The following INTS13 variants were observed in gnomAD, a reference collection of about 807,000 sequenced individuals.
The protein encoded by INTS13 is asunder, spermatogenesis regulator homolog (Drosphila).
In INTS13, 35 loss-of-function variants were observed where a neutral mutation model predicts 90.2. The observed-to-expected ratio is 0.39, with a 90% CI of 0.30 to 0.51. The LOEUF (loss-of-function observed/expected upper bound fraction) is 0.51. INTS13 is among the 20% of genes least tolerant of loss of function. The pLI, the probability that INTS13 is intolerant of heterozygous loss-of-function variation, is 0.80. For synonymous variants in INTS13, 309 were observed against 277.1 expected (o/e 1.11, Z -1.14); for missense variants, 601 against 851.2 (o/e 0.71, Z 3.66).
At chr12:26,926,607 G>A (rs917923795) in intron 5 of INTS13, among the ~76,000 whole-genome samples, 2 of 151,998 alleles carry the variant, frequency 1.3e-5, no homozygotes, top group African/African-American at 4.8e-5. Flanking sequence ...TACTAGCTGT[G>A]ACACAATCAC....
chr12:26,928,365 A>G lies in INTS13; in HGVS notation c.504-80T>C, dbSNP rs34908423. On this transcript the variant is annotated intron_variant, in intron 4 of 16. Transcript: ENST00000261191. ...ATTCAAAACACTCTTCCGCTTTAAT[A>G]TGGTGTTATAGACATTTAAAGTTAC... The G allele has an allele frequency of 6.4e-3, 7,133 of 1,116,526 alleles. 31 individuals are homozygous for G. Among genetic ancestry groups the G allele is most frequent in the Non-Finnish European group, 8.1e-3 (5,963 of 738,976 alleles). The allele number at this position is 1,116,526 out of a possible 1,614,324, so 69.2% of individuals were successfully genotyped here.
chr12:26,914,167 T>G, intron 12 of INTS13, 39 bp from the exon 13 acceptor site: 2 of 1,512,966 alleles, frequency 1.3e-6, no homozygotes, highest in Non-Finnish European at 1.8e-6. Flanking sequence ...AAATCTGTCT[T>G]GAAAAATAAA....
In INTS13 at chr12:26,928,883, A is replaced by G. The variant is rs1938033960; in HGVS notation, c.323T>C (p.Val108Ala). The G allele has an allele frequency of 6.2e-7, 1 of 1,614,044 alleles. No individual in the cohort carries two copies. The highest frequency in any genetic ancestry group is 1.7e-5 in the Admixed American group (1 of 60,006). Reference protein sequence around the residue: ...LQELMAALAAVGPPNPRADPE... With the variant: ...LQELMAALAAAGPPNPRADPE... ...ATCTGCCCGAGGATTAGGAGGCCCA[A>G]CAGCGGCTAATGCTGCCATTAGCTA... The change falls in exon 4 of 17, where the codon GTT becomes GCT. Residue 108 changes from valine to alanine, a missense_variant. This residue lies in a region of INTS13 where 284 missense variants were observed against 387.7 expected (regional missense o/e 0.73). Coordinates refer to ENST00000261191, the MANE Select transcript of INTS13 (RefSeq NM_018164.3).
chr12:26,923,907 A>C (rs1937721472), intron 7 of INTS13, among the ~76,000 whole-genome samples: 1 of 152,222 alleles, frequency 6.6e-6, no homozygotes, highest in Non-Finnish European at 1.5e-5. Flanking sequence ...ACAGAATAAT[A>C]ATTTAAAATA....
intron 8 of INTS13, among the ~76,000 whole-genome samples, chr12:26,920,442 A>G (rs1237771565): frequency 6.6e-6 from 1 of 150,460 alleles, no homozygotes; most frequent in Non-Finnish European, 1.5e-5. Flanking sequence ...CTCTGTCGCC[A>G]GGCTGGAGTG....
chr12:26,909,955 G>A (rs746130225), intron 15 of INTS13, among the ~76,000 whole-genome samples: 5 of 152,044 alleles, frequency 3.3e-5, no homozygotes, highest in Non-Finnish European at 5.9e-5. Flanking sequence ...TCTAATGACG[G>A]CATACCATTA....
At chr12:26,937,152 G>A (rs947865124) in intron 1 of INTS13, among the ~76,000 whole-genome samples, 3 of 152,184 alleles carry the variant, frequency 2.0e-5, no homozygotes, top group African/African-American at 4.8e-5. Context: ...AAACATAAGT[G>A]ACAAAGACTC....
chr12:26,913,948 A>G (rs1160050780), intron 13 of INTS13, 26 bp downstream of exon 13: 1 of 1,583,004 alleles, frequency 6.3e-7, no homozygotes, highest in Non-Finnish European at 8.6e-7. Context: ...TGTGATCTAT[A>G]AAGTAAGAAA....
At chr12:26,927,197 T>G (rs759016817) in intron 5 of INTS13, among the ~76,000 whole-genome samples, 1 of 152,194 alleles carries the variant, frequency 6.6e-6, no homozygotes, top group Admixed American at 6.5e-5. Flanking sequence ...GAACAAAGTA[T>G]TGAACATGAG....
chr12:26,934,323 A>G (rs566051224), intron 3 of INTS13, among the ~76,000 whole-genome samples: 1 of 152,300 alleles, frequency 6.6e-6, no homozygotes, highest in East Asian at 1.9e-4. Context: ...AGGAATAAAA[A>G]CATGTTATTT....
chr12:26,931,755 T>G (rs1028152431), intron 3 of INTS13, among the ~76,000 whole-genome samples: 1 of 152,066 alleles, frequency 6.6e-6, no homozygotes, highest in Non-Finnish European at 1.5e-5. Context: ...TTCTGCTTCC[T>G]CCACTAAAAT....
intron 11 of INTS13, 37 bp from the exon 12 acceptor site, chr12:26,914,615 G>T: frequency 3.3e-6 from 5 of 1,498,944 alleles, no homozygotes; most frequent in Non-Finnish European, 4.6e-6. Flanking sequence ...TAGAAACTAT[G>T]TCTAATGTTT....
intron 5 of INTS13, among the ~76,000 whole-genome samples, chr12:26,927,790 A>AT (rs1246332231): frequency 1.3e-5 from 2 of 151,872 alleles, no homozygotes; most frequent in East Asian, 1.9e-4. Context: ...TAATTTTTAT[A>AT]TTTTTTGTAG....
intron 7 of INTS13, among the ~76,000 whole-genome samples, chr12:26,923,102 C>T (rs896880731): frequency 4.6e-5 from 7 of 152,028 alleles, no homozygotes; most frequent in Non-Finnish European, 7.4e-5. Flanking sequence ...TAAATACCTA[C>T]AGTGAATTAC....
chr12:26,932,595 C>A (rs1429403042), intron 3 of INTS13, among the ~76,000 whole-genome samples: 1 of 152,200 alleles, frequency 6.6e-6, no homozygotes, highest in African/African-American at 2.4e-5. Flanking sequence ...ATAGAACTTA[C>A]TGCGATGATG....
Position 26,928,219 on chromosome 12 carries a change from A to C in INTS13, c.570T>G (p.Ala190=). The change falls in exon 5 of 17, where the codon GCT becomes GCG. Residue 190 remains alanine, a synonymous_variant. Coordinates refer to ENST00000261191, the MANE Select transcript of INTS13 (RefSeq NM_018164.3). The stretch of plus-strand genomic sequence containing the variant: ...ATTATACTCACTGATCTGAATTTGC[A>C]GCAAGCTTGTTATGTTCATGAATCG... ...QETIHEHNKL[A]ANSDHLMQIQ... is the part of the protein sequence containing the mutation. 2 of 1,606,840 alleles carry C rather than the reference A, an allele frequency of 1.2e-6. No homozygotes were observed. The highest frequency in any genetic ancestry group is 2.2e-5 in the South Asian group (2 of 90,488).
rs1176490580 is a variant in INTS13 at position 26,928,219 on chromosome 12, A to G, written c.570T>C (p.Ala190=). 2.5e-6 allele frequency: 4 copies of G among 1,606,722 alleles called. No homozygotes were observed. The highest frequency in any genetic ancestry group is 3.4e-6 in the Non-Finnish European group (4 of 1,174,474). ...ATTATACTCACTGATCTGAATTTGCAGCAAGCTTGTTATGTTCATGAATCG... is the reference window on the plus strand; with the variant it reads ...ATTATACTCACTGATCTGAATTTGCGGCAAGCTTGTTATGTTCATGAATCG... ...QETIHEHNKL[A]ANSDHLMQIQ... is the part of the protein sequence containing the mutation. Residue 190 remains alanine, a synonymous_variant, in exon 5 of 17, where the codon GCT becomes GCC. Transcript: ENST00000261191.
chr12:26,905,481 T>C lies in INTS13; in HGVS notation c.*16A>G. 6.2e-7 allele frequency: 1 copy of C among 1,608,484 alleles called. No homozygotes were observed. The highest frequency in any genetic ancestry group is 8.5e-7 in the Non-Finnish European group (1 of 1,177,718). On this transcript the variant is annotated 3_prime_UTR_variant, in exon 17 of 17. Transcript: ENST00000261191. ...TATTTTTGCAATATGCTAAATTTAG[T>C]TCTTCAAGTCACTCTTCACTGCCGG...
At position 26,936,729 on chromosome 12, in the gene INTS13, C is replaced by T; in HGVS notation, c.75G>A (p.Arg25=). The T allele has an allele frequency of 6.2e-7, 1 of 1,614,024 alleles. No individual in the cohort carries two copies. Among genetic ancestry groups the T allele is most frequent in the East Asian group, 2.2e-5 (1 of 44,862 alleles). ...CCAGCATATCAAACTCGACATGCTG[C>T]CTGCAAGATTCTGCCATATAAGGGC... ...DHCPYMAESC[R]QHVEFDMLVK... is the part of the protein sequence containing the mutation. Residue 25 remains arginine (R), a synonymous_variant, in exon 2 of 17, where the codon AGG becomes AGA. Transcript: ENST00000261191.
Sources: allele counts gnomAD v4.1 joint callset (sites outside exome capture counted in the v4.1 genomes callset), GRCh38; gene constraint gnomAD v4.1.1; regional missense constraint gnomAD v4.1.1; transcripts MANE v1.5; gene names NCBI Gene and HGNC (gene_info 2026-07-23, HGNC 2026-07-21).